FHOD3: variants seen among roughly 807,000 people sequenced by gnomAD.
FHOD3 encodes formin homology 2 domain containing 3.
FHOD3 carries 90 observed loss-of-function variants against 173.0 expected under a neutral mutation model. The ratio of observed to expected loss-of-function variants is 0.52; its 90% CI spans 0.44 to 0.62. The LOEUF is 0.62. Ranked by LOEUF, FHOD3 falls within the 20% of genes least tolerant of loss-of-function variation. The pLI, the probability that FHOD3 is intolerant of heterozygous loss-of-function variation, is 0.00. For missense variants in FHOD3, 1,945 were observed against 2,034.7 expected (o/e 0.96, Z 0.85); for synonymous variants, 828 against 823.0 (o/e 1.01, Z -0.10).
At chr18:36,365,285 G>A (rs1432949509) in intron 2 of FHOD3, among the ~76,000 whole-genome samples, 1 of 152,170 alleles carries the variant, frequency 6.6e-6, no homozygotes, top group African/African-American at 2.4e-5. Flanking sequence ...AAAAATTAAA[G>A]CCTTTTGCAT....
chr18:36,596,533 C>G (rs1460535991), intron 7 of FHOD3, among the ~76,000 whole-genome samples: 5 of 151,756 alleles, frequency 3.3e-5, no homozygotes, highest in Non-Finnish European at 4.4e-5. Context: ...AATGCTGAAT[C>G]CAAATGTGAA....
chr18:36,527,211 T>C (rs2056562316), intron 5 of FHOD3, among the ~76,000 whole-genome samples: 1 of 152,204 alleles, frequency 6.6e-6, no homozygotes, highest in African/African-American at 2.4e-5. Context: ...TCGTGGGCAA[T>C]GCTGTTGTAG....
rs62083981 is a variant in FHOD3, at chr18:36,652,580, G to A, written c.1297G>A (p.Ala433Thr). 0.026 allele frequency: 39,563 copies of A among 1,527,306 alleles called. 607 individuals are homozygous for A. Among genetic ancestry groups the A allele is most frequent in the South Asian group, 0.033 (2,796 of 83,798 alleles). 94.6% of individuals were successfully genotyped at this position (1,527,306 alleles called of 1,614,324 possible). Residue 433 changes from alanine to threonine, a missense_variant, in exon 12 of 29, where the codon GCT becomes ACT. Ala to Thr is a moderately conservative substitution (Grantham distance 58, BLOSUM62 0). Around this residue, in one of 5 missense-constraint regions of FHOD3, gnomAD observed 1,099 missense variants for 1,051.2 expected, o/e 1.05. Transcript: ENST00000590592. ...SCQGKDSKVG[A>T]ASGQSPTGRD... is the part of the protein sequence containing the mutation. Reference sequence around the variant, plus strand: ...CTGCTGGCCCAACAGCAAGGTCGGCGCTGCCTCAGGGCAGAGCCCCACTGG... The same window carrying A: ...CTGCTGGCCCAACAGCAAGGTCGGCACTGCCTCAGGGCAGAGCCCCACTGG...
intron 21 of FHOD3, 23 bp downstream of exon 21, chr18:36,740,861 C>T (rs375988879): frequency 1.8e-5 from 29 of 1,594,610 alleles, no homozygotes; most frequent in East Asian, 1.6e-4. Context: ...TAAGAGAGGC[C>T]GCTGATCCCA....
rs917912882 is a variant in FHOD3 at position 36,297,922 on chromosome 18, G to A, written c.87G>A (p.Pro29=). 3.2e-6 allele frequency: 5 copies of A among 1,562,770 alleles called. No individual in the cohort carries two copies. The highest frequency in any genetic ancestry group is 1.2e-5 in the South Asian group (1 of 84,444). ...ACTTCCCCGAGCCCAGCCGGCCGCCGCTGTTCACGTTCCGCGAGGACCTCG... is the reference window on the plus strand; with the variant it reads ...ACTTCCCCGAGCCCAGCCGGCCGCCACTGTTCACGTTCCGCGAGGACCTCG... ...STNFPEPSRP[P]LFTFREDLAL... is the part of the protein sequence containing the mutation. Residue 29 remains proline, a synonymous_variant, in exon 1 of 29, where the codon CCG becomes CCA. Transcript: ENST00000590592.
chr18:36,518,117 A>G (rs113429600), intron 5 of FHOD3, among the ~76,000 whole-genome samples: 1,679 of 152,340 alleles, frequency 0.011, 37 homozygotes, highest in African/African-American at 0.038. Flanking sequence ...TAAAATGCCA[A>G]AAAGAGCAGA....
At chr18:36,577,990 G>A (rs774656260) in intron 6 of FHOD3, among the ~76,000 whole-genome samples, 9 of 152,292 alleles carry the variant, frequency 5.9e-5, no homozygotes, top group East Asian at 1.9e-4. Context: ...AGTGCTGTAC[G>A]GGTGGCACGT....
At chr18:36,471,766 AAT>A (rs2053299135) in intron 3 of FHOD3, among the ~76,000 whole-genome samples, 1 of 152,216 alleles carries the variant, frequency 6.6e-6, no homozygotes, top group African/African-American at 2.4e-5. Context: ...CTATCCACAG[AAT>A]AAGTGATACT....
intron 16 of FHOD3, among the ~76,000 whole-genome samples, chr18:36,688,899 C>T (rs985638000): frequency 6.6e-6 from 1 of 152,178 alleles, no homozygotes; most frequent in African/African-American, 2.4e-5. Context: ...CTGGCAAACT[C>T]GTAAGAGGAG....
intron 18 of FHOD3, 179 bp downstream of exon 18, chr18:36,709,570 C>G (rs2040059325): frequency 1.6e-6 from 1 of 640,842 alleles, no homozygotes; most frequent in Non-Finnish European, 2.7e-6. Context: ...AGCCAGCCAG[C>G]AGCCTTCTGC....
chr18:36,470,889 A>G (rs913907975), intron 3 of FHOD3, among the ~76,000 whole-genome samples: 2 of 152,244 alleles, frequency 1.3e-5, no homozygotes, highest in African/African-American at 2.4e-5. Flanking sequence ...AGTAACCCGC[A>G]GCTTCGCCCC....
chr18:36,349,870 A>G (rs1430774785), intron 1 of FHOD3, among the ~76,000 whole-genome samples: 3 of 152,076 alleles, frequency 2.0e-5, no homozygotes, highest in South Asian at 2.1e-4. Flanking sequence ...GGTTCAAACA[A>G]TTCTCCTGCC....
intron 1 of FHOD3, among the ~76,000 whole-genome samples, chr18:36,319,087 C>T (rs1427779601): frequency 3.9e-5 from 6 of 152,058 alleles, no homozygotes; most frequent in Non-Finnish European, 5.9e-5. Context: ...TTGATCATGG[C>T]AGATAAGCTT....
rs368530719 is a variant in FHOD3 at position 36,344,410 on chromosome 18, C to CA, written c.166-11119dup. Among the ~76,000 whole-genome samples the CA allele has an allele frequency of 4.0e-3, 590 of 145,918 alleles. 6 individuals are homozygous for CA. The highest frequency in any genetic ancestry group is 0.013 in the African/African-American group (512 of 39,906). ...CTTCCAACATAATGAAACCTTGTCT[C>CA]AAAAAAAAAAGGTATAAATCATATT... On this transcript the variant is annotated intron_variant, in intron 1 of 28. Coordinates refer to ENST00000590592, the MANE Select transcript of FHOD3 (RefSeq NM_001281740.3).
intron 3 of FHOD3, among the ~76,000 whole-genome samples, chr18:36,456,646 G>A (rs564132139): frequency 1.3e-5 from 2 of 152,160 alleles, no homozygotes; most frequent in African/African-American, 4.8e-5. Context: ...GTTCCAGCCT[G>A]TGTGTCCCCC....
intron 1 of FHOD3, among the ~76,000 whole-genome samples, chr18:36,334,870 CA>C (rs758304625): frequency 3.9e-5 from 6 of 151,986 alleles, no homozygotes; most frequent in Non-Finnish European, 8.8e-5. Context: ...CCCTCTGGCC[CA>C]AAGATAGGGG....
intron 19 of FHOD3, among the ~76,000 whole-genome samples, chr18:36,720,043 G>T (rs560330606): frequency 6.6e-6 from 1 of 151,946 alleles, no homozygotes; most frequent in South Asian, 2.1e-4. Flanking sequence ...AATCTACACC[G>T]TTAGGATCCA....
At chr18:36,725,938 T>C (rs1477162634) in intron 19 of FHOD3, among the ~76,000 whole-genome samples, 1 of 152,176 alleles carries the variant, frequency 6.6e-6, no homozygotes, top group African/African-American at 2.4e-5. Flanking sequence ...AGCTGATAGC[T>C]GATTGGGTAG....
At chr18:36,335,046 C>A (rs1455651237) in intron 1 of FHOD3, among the ~76,000 whole-genome samples, 1 of 152,218 alleles carries the variant, frequency 6.6e-6, no homozygotes, top group African/African-American at 2.4e-5. Context: ...CTGCAAATCT[C>A]CAGGGCCTGG....
Sources: allele counts gnomAD v4.1 joint callset (sites outside exome capture counted in the v4.1 genomes callset), GRCh38; gene constraint gnomAD v4.1.1; regional missense constraint gnomAD v4.1.1; transcripts MANE v1.5; gene names NCBI Gene and HGNC (gene_info 2026-07-23, HGNC 2026-07-21).